NQO2: variants seen among roughly 807,000 people sequenced by gnomAD.
NQO2 encodes ribosyldihydronicotinamide dehydrogenase [quinone].
A neutral mutation model predicts 22.0 loss-of-function variants in NQO2; 18 were observed. That is an observed-to-expected ratio of 0.82 (90% confidence interval 0.56 to 1.21). NQO2 has a LOEUF of 1.21. Ranked by LOEUF, NQO2 falls within the 50% of genes most tolerant of loss-of-function variation. The probability of loss-of-function intolerance (pLI) is 0.00; values close to 1 mark genes in which losing one functional copy is unlikely to be tolerated. For missense variants in NQO2, 267 were observed against 286.9 expected (o/e 0.93, Z 0.50); for synonymous variants, 106 against 110.8 (o/e 0.96, Z 0.28).
Position 3,012,614 on chromosome 6 carries a change from G to A in NQO2, c.243G>A (p.Leu81=), listed in dbSNP as rs750974418. 9.9e-6 allele frequency: 16 copies of A among 1,614,014 alleles called. No homozygotes were observed. The highest frequency in any genetic ancestry group is 1.3e-5 in the African/African-American group (1 of 74,906). Residue 81 remains leucine (L), a synonymous_variant, in exon 4 of 7, where the codon CTG becomes CTA. Transcript: ENST00000380455. ...ACGAAGCCTACAAGCAAAGGTCTCT[G>A]GCTAGCGACATCACTGATGAGCAGA... ...ETHEAYKQRS[L]ASDITDEQKK...
intron 1 of NQO2, among the ~76,000 whole-genome samples, chr6:3,001,677 A>T (rs968870376): frequency 4.5e-4 from 69 of 152,220 alleles, no homozygotes; most frequent in Admixed American, 4.2e-3. Context: ...GACTGTCCAC[A>T]TGGAAAGAGG....
At chr6:3,015,005 C>G in intron 4 of NQO2, 1 of 952,336 alleles carries the variant, frequency 1.1e-6, no homozygotes, top group Non-Finnish European at 1.5e-6. Flanking sequence ...ATTTCCCTTC[C>G]CAGGCGGTAA....
intron 2 of NQO2, among the ~76,000 whole-genome samples, chr6:3,008,412 CAAA>C (rs543349139): frequency 1.2e-5 from 1 of 83,538 alleles, no homozygotes. Flanking sequence ...AACTCTGTTT[CAAA>C]AAAAAAAAAA....
At chr6:3,014,429 G>A (rs1022847017) in intron 4 of NQO2, among the ~76,000 whole-genome samples, 1 of 152,138 alleles carries the variant, frequency 6.6e-6, no homozygotes, top group Non-Finnish European at 1.5e-5. Context: ...TGGGGTGCGT[G>A]GTCCCAGCAG....
intron 1 of NQO2, among the ~76,000 whole-genome samples, chr6:3,001,571 T>C (rs1305588049): frequency 6.6e-6 from 1 of 151,982 alleles, no homozygotes; most frequent in African/African-American, 2.4e-5. Flanking sequence ...AATAGGAAAA[T>C]GGGCACAAAA....
chr6:3,014,082 G>C (rs1399047606), intron 4 of NQO2, among the ~76,000 whole-genome samples: 1 of 152,200 alleles, frequency 6.6e-6, no homozygotes, highest in African/African-American at 2.4e-5. Flanking sequence ...GTTCGCATGA[G>C]TCCGCCATGT....
Position 3,005,747 on chromosome 6 carries a change from C to T in NQO2, c.-85-721C>T, listed in dbSNP as rs372657758. ...TCCCCTGGGGAGAACTCACGTTTTT[C>T]CAGAGCCCCATTGTGTGCCAGCCAC... is the stretch of plus-strand genomic sequence containing the variant. On this transcript the variant is annotated intron_variant, in intron 1 of 6. Transcript: ENST00000380455. 8.1e-6 allele frequency: 8 copies of T among 985,334 alleles called. No homozygotes were observed. In the East Asian group the frequency reaches 3.4e-4, roughly 42 times the overall value. 61.0% of individuals were successfully genotyped at this position (985,334 alleles called of 1,614,324 possible).
At position 3,009,218 on chromosome 6, in the gene NQO2, G is replaced by GATCA. The variant is rs1757063259; in HGVS notation, c.8-807_8-806insATCA. Among the ~76,000 whole-genome samples, 13 of 152,310 alleles carry GATCA rather than the reference G, an allele frequency of 8.5e-5. No individual in the cohort carries two copies. In the South Asian group the frequency reaches 2.1e-3, roughly 24 times the overall value. ...CCTCAGGGACGCATTCTCTTTCTCA[G>GATCA]GGATGTTCCTTGCTGAGAAAAAGAA... On this transcript the variant is annotated intron_variant, in intron 2 of 6. Coordinates refer to ENST00000380455, the MANE Select transcript of NQO2 (RefSeq NM_000904.6).
At chr6:3,004,748 C>G (rs115765433) in intron 1 of NQO2, 1 of 540,504 alleles carries the variant, frequency 1.9e-6, no homozygotes, top group African/African-American at 2.1e-5. Flanking sequence ...ACAACATGCG[C>G]GATGCGTGTC....
chr6:3,017,443 C>T (rs997991178), intron 6 of NQO2, among the ~76,000 whole-genome samples: 1 of 152,212 alleles, frequency 6.6e-6, no homozygotes, highest in South Asian at 2.1e-4. Context: ...ATTCTGATGG[C>T]CGCATGCTGG....
intron 5 of NQO2, among the ~76,000 whole-genome samples, chr6:3,015,997 T>C (rs1337032908): frequency 1.3e-5 from 2 of 151,718 alleles, no homozygotes; most frequent in African/African-American, 4.9e-5. Context: ...AGCCCAGCCC[T>C]GGCCTGGCAC....
At chr6:3,016,778 C>A in intron 5 of NQO2, 106 bp from the exon 6 acceptor site, 1 of 1,519,706 alleles carries the variant, frequency 6.6e-7, no homozygotes, top group Admixed American at 2.0e-5. Context: ...AGGGTGTCCA[C>A]ACGCATGTTC....
At chr6:3,010,965 T>A (rs981122302) in intron 3 of NQO2, among the ~76,000 whole-genome samples, 7 of 142,012 alleles carry the variant, frequency 4.9e-5, no homozygotes, top group African/African-American at 1.0e-4. Context: ...AAAAAAAAAA[T>A]TTAATAAGAA....
intron 1 of NQO2, among the ~76,000 whole-genome samples, chr6:3,001,530 G>GA (rs1414516251): frequency 2.6e-5 from 4 of 151,970 alleles, no homozygotes; most frequent in Non-Finnish European, 4.4e-5. Context: ...ATAGTTTTGG[G>GA]AAAAAAATGG....
intron 1 of NQO2, among the ~76,000 whole-genome samples, chr6:3,000,621 A>C (rs931164997): frequency 2.6e-5 from 4 of 151,154 alleles, no homozygotes; most frequent in Non-Finnish European, 5.9e-5. Flanking sequence ...GGCTCACTGC[A>C]ACCTCCGCCT....
chr6:3,007,064 C>T (rs540064912), intron 2 of NQO2: 16 of 391,530 alleles, frequency 4.1e-5, no homozygotes, highest in African/African-American at 1.0e-4. Flanking sequence ...CGTGTTAGAA[C>T]GCACAGGTTC....
At chr6:3,009,783 C>T in intron 2 of NQO2, 1 of 268,978 alleles carries the variant, frequency 3.7e-6, no homozygotes, top group Non-Finnish European at 5.7e-6. Context: ...ATGAGAATCA[C>T]TTGAACCTGG....
chr6:3,004,355 A>C (rs2068289509), intron 1 of NQO2: 11 of 985,316 alleles, frequency 1.1e-5, no homozygotes, highest in Non-Finnish European at 1.2e-5. Context: ...AAGGATTTGA[A>C]GTCACCTTTG....
chr6:3,012,769 T>C, intron 4 of NQO2, 95 bp downstream of exon 4: 1 of 1,327,804 alleles, frequency 7.5e-7, no homozygotes, highest in Non-Finnish European at 1.0e-6. Context: ...GGAAGTGGCA[T>C]CAATGTTTTG....
Sources: gnomAD v4.1 joint callset for allele counts (sites outside exome capture counted in the v4.1 genomes callset) on GRCh38, gnomAD v4.1.1 for gene constraint, MANE v1.5 for transcripts, NCBI Gene and HGNC (gene_info 2026-07-23, HGNC 2026-07-21) for gene names.